Variants in NCKAP5 observed in about 807,000 individuals in gnomAD.
NCKAP5 encodes the protein nck-associated protein 5.
Under a neutral mutation model 167.0 loss-of-function variants are expected in NCKAP5, and 92 were observed. The ratio of observed to expected loss-of-function variants is 0.55; its 90% CI spans 0.47 to 0.66. The LOEUF is 0.66. Ranked by LOEUF, NCKAP5 falls within the 30% of genes least tolerant of loss-of-function variation. The pLI is 0.00. For missense variants in NCKAP5, 2,378 were observed against 2,315.0 expected, an observed-to-expected ratio of 1.03 and a Z score of -0.56; for synonymous variants, 891 against 877.4, an observed-to-expected ratio of 1.02 and a Z score of -0.27.
At chr2:133,604,297 C>A in the NCKAP5 span, among the ~76,000 whole-genome samples, 1 of 152,284 alleles carries the variant, frequency 6.6e-6, no homozygotes, top group East Asian at 1.9e-4. Context: ...CCTCCGCCTC[C>A]TGGTTTCAAG....
At chr2:132,834,597 G>A (rs565227128) in intron 11 of NCKAP5, among the ~76,000 whole-genome samples, 13 of 152,144 alleles carry the variant, frequency 8.5e-5, no homozygotes, top group African/African-American at 2.2e-4. Context: ...TACCGACCTC[G>A]GCCTCCCAAA....
chr2:133,230,141 C>T (rs1005028670), intron 4 of NCKAP5, among the ~76,000 whole-genome samples: 1 of 152,154 alleles, frequency 6.6e-6, no homozygotes, highest in Non-Finnish European at 1.5e-5. Context: ...CATGTTCTCT[C>T]ATTATGATCA....
chr2:133,110,874 G>A lies in NCKAP5; in HGVS notation c.341+19104C>T, dbSNP rs73960013. On this transcript the variant is annotated intron_variant, in intron 6 of 19. Coordinates refer to ENST00000409261, the MANE Select transcript of NCKAP5 (RefSeq NM_207363.3). Reference sequence around the variant, plus strand: ...GCTGGATGCCCAAGAGCAAGGTGCCGTCGTTGCTGGGATCTGGGGAAGCCT... The same window carrying A: ...GCTGGATGCCCAAGAGCAAGGTGCCATCGTTGCTGGGATCTGGGGAAGCCT... 3.3e-3 allele frequency among the ~76,000 whole-genome samples: 497 copies of A among 152,236 alleles called. 1 individual carries two copies. Among genetic ancestry groups the A allele is most frequent in the African/African-American group, 4.4e-3 (181 of 41,554 alleles).
intron 16 of NCKAP5, among the ~76,000 whole-genome samples, chr2:132,750,856 T>C (rs1479925510): frequency 6.6e-6 from 1 of 152,126 alleles, no homozygotes; most frequent in Non-Finnish European, 1.5e-5. Context: ...CCAAGCACAC[T>C]TGGAAAGAAT....
chr2:133,602,538 G>A, the NCKAP5 span, among the ~76,000 whole-genome samples: 1 of 152,196 alleles, frequency 6.6e-6, no homozygotes, highest in Non-Finnish European at 1.5e-5. Context: ...TTCAGTGGTG[G>A]TGTGGAAGAC....
At chr2:132,674,832 C>T (rs113857552) in intron 19 of NCKAP5, among the ~76,000 whole-genome samples, 4,631 of 152,124 alleles carry the variant, frequency 0.03, 231 homozygotes, top group African/African-American at 0.1. Context: ...ATACTACTAA[C>T]GTGCAGAAAC....
chr2:133,005,013 C>T (rs1460430205), intron 6 of NCKAP5, among the ~76,000 whole-genome samples: 3 of 152,194 alleles, frequency 2.0e-5, no homozygotes, highest in Non-Finnish European at 4.4e-5. Context: ...GGTTATCTCC[C>T]TTGTTCCCTG....
chr2:132,721,463 T>G (rs1051268470), intron 19 of NCKAP5, among the ~76,000 whole-genome samples: 3 of 152,210 alleles, frequency 2.0e-5, no homozygotes, highest in Non-Finnish European at 4.4e-5. Context: ...AGAGCCTTGT[T>G]ATTTCAAAAG....
intron 5 of NCKAP5, among the ~76,000 whole-genome samples, chr2:133,183,344 A>C (rs1392163804): frequency 6.6e-6 from 1 of 152,192 alleles, no homozygotes; most frequent in Non-Finnish European, 1.5e-5. Flanking sequence ...ATAAATGTTA[A>C]TGCAAAACTC....
At chr2:132,897,327 G>A (rs975344418) in intron 8 of NCKAP5, among the ~76,000 whole-genome samples, 1 of 152,194 alleles carries the variant, frequency 6.6e-6, no homozygotes, top group Non-Finnish European at 1.5e-5. Context: ...GTCAGGCTGG[G>A]AACAGCAAAG....
intron 1 of NCKAP5, among the ~76,000 whole-genome samples, chr2:133,565,381 G>C (rs2105043120): frequency 6.6e-6 from 1 of 152,306 alleles, no homozygotes; most frequent in African/African-American, 2.4e-5. Flanking sequence ...TGTGCCTATT[G>C]TTTTAGCTAC....
chr2:133,641,123 T>C, the NCKAP5 span, among the ~76,000 whole-genome samples: 21 of 152,214 alleles, frequency 1.4e-4, no homozygotes, highest in Non-Finnish European at 1.3e-4. Context: ...GAATCTTCCA[T>C]AATTATGTGC....
In NCKAP5 at chr2:132,784,274, C is replaced by A. The variant is rs372521087; in HGVS notation, c.2537G>T (p.Arg846Leu). ...SPALAPGKLS[R>L]FMKTESSGPL... ...CCCTGAGCTCTCAGTCTTCATGAAT[C>A]GTGAGAGTTTCCCAGGAGCTAAGGC... The change falls in exon 14 of 20, where the codon CGA (arginine) becomes CTA (leucine). Residue 846 changes from arginine (R) to leucine (L), a missense_variant. Arg to Leu is a moderately radical substitution (Grantham distance 102, BLOSUM62 -2). Around this residue, in one of 3 missense-constraint regions of NCKAP5, gnomAD observed 1,049 missense variants for 1,023.4 expected, o/e 1.02. Coordinates refer to ENST00000409261, the MANE Select transcript of NCKAP5 (RefSeq NM_207363.3). The A allele has an allele frequency of 2.4e-5, 39 of 1,612,290 alleles. No homozygotes were observed. Among genetic ancestry groups the A allele is most frequent in the Non-Finnish European group, 3.1e-5 (36 of 1,179,422 alleles).
At position 132,785,177 on chromosome 2, in the gene NCKAP5, G is replaced by A; in HGVS notation, c.1634C>T (p.Pro545Leu). 1 of 1,589,088 alleles carries A rather than the reference G, an allele frequency of 6.3e-7. No individual in the cohort carries two copies. The highest frequency in any genetic ancestry group is 8.6e-7 in the Non-Finnish European group (1 of 1,169,296). Residue 545 changes from proline (P) to leucine (L), a missense_variant, in exon 14 of 20, where the codon CCC becomes CTC. Pro to Leu is a moderately conservative substitution (Grantham distance 98). Coordinates refer to ENST00000409261, the MANE Select transcript of NCKAP5 (RefSeq NM_207363.3). ...EKLTSCASSC[P>L]LEMKLCPSVQ... ...ACTTGGGCACAGCTTCATCTCTAAG[G>A]GACAGCTGCTGGCGCAACTTGTCAG...
chr2:132,794,567 T>C (rs1314853812), intron 12 of NCKAP5, among the ~76,000 whole-genome samples: 4 of 149,260 alleles, frequency 2.7e-5, no homozygotes, highest in African/African-American at 9.9e-5. Context: ...ATCAGGGAGG[T>C]GGAGGTTGCA....
At chr2:132,749,593 C>T (rs1338932567) in intron 16 of NCKAP5, among the ~76,000 whole-genome samples, 1 of 152,182 alleles carries the variant, frequency 6.6e-6, no homozygotes, top group African/African-American at 2.4e-5. Context: ...CAAGCCGTAT[C>T]CCCAGGCCCT....
At chr2:133,644,505 C>G in the NCKAP5 span, among the ~76,000 whole-genome samples, 1 of 152,166 alleles carries the variant, frequency 6.6e-6, no homozygotes, top group East Asian at 1.9e-4. Context: ...AGTTCACCCA[C>G]GTTGGAATGG....
chr2:133,169,127 T>C (rs756460344), intron 5 of NCKAP5, among the ~76,000 whole-genome samples: 2 of 152,130 alleles, frequency 1.3e-5, no homozygotes, highest in Non-Finnish European at 2.9e-5. Context: ...AAAATAAACA[T>C]CATAAAGTGG....
intron 11 of NCKAP5, among the ~76,000 whole-genome samples, chr2:132,819,172 C>A: frequency 6.6e-6 from 1 of 152,120 alleles, no homozygotes; most frequent in Non-Finnish European, 1.5e-5. Flanking sequence ...TTGCATATGG[C>A]ATGGAGCCCT....
Sources: gnomAD v4.1 joint callset for allele counts (sites outside exome capture counted in the v4.1 genomes callset) on GRCh38, gnomAD v4.1.1 for gene constraint, gnomAD v4.1.1 regional missense constraint, MANE v1.5 for transcripts, NCBI Gene and HGNC (gene_info 2026-07-23, HGNC 2026-07-21) for gene names.